MOBP: variants seen among roughly 807,000 people sequenced by gnomAD.
The protein encoded by MOBP is myelin-associated oligodendrocyte basic protein.
MOBP carries 5 observed loss-of-function variants against 15.0 expected under a neutral mutation model. The observed-to-expected ratio is 0.33, with a 90% CI of 0.17 to 0.70. The LOEUF is 0.70. MOBP is among the 30% of genes least tolerant of loss of function. The probability of loss-of-function intolerance (pLI) is 0.67; values close to 1 mark genes in which losing one functional copy is unlikely to be tolerated. For synonymous variants in MOBP, 88 were observed against 99.0 expected (o/e 0.89, Z 0.66); for missense variants, 188 against 257.8 (o/e 0.73, Z 1.85).
chr3:39,469,232 A>ATATATACATATATACATG lies in MOBP; in HGVS notation c.-89+1493_-89+1494insATATACATATATACATGT, dbSNP rs1559412385. 3.0e-4 allele frequency among the ~76,000 whole-genome samples: 27 copies of ATATATACATATATACATG among 89,486 alleles called. 2 individuals are homozygous for ATATATACATATATACATG. The East Asian group carries it at 6.2e-3, about 21-fold the overall frequency. 58.7% of individuals were successfully genotyped at this position (89,486 alleles called of 152,430 possible). A position where few individuals can be genotyped will look rare whatever the true frequency, so the allele number is the denominator to read the frequency against. The stretch of plus-strand genomic sequence containing the variant: ...TGTGTGTGTATATACATATATACAT[A>ATATATACATATATACATG]TGTGTGTGTATATATACATATATGT... On this transcript the variant is annotated intron_variant, in intron 1 of 3. Coordinates refer to ENST00000684792, the MANE Select transcript of MOBP (RefSeq NM_001393704.1).
chr3:39,507,893 C>T (rs914880198), downstream of MOBP, among the ~76,000 whole-genome samples: 2 of 152,210 alleles, frequency 1.3e-5, no homozygotes, highest in Non-Finnish European at 2.9e-5. Flanking sequence ...CCACTTTCCT[C>T]GCTTTCCAAA....
chr3:39,502,380 C>G lies in MOBP; in HGVS notation c.206+105C>G. The stretch of plus-strand genomic sequence containing the variant: ...ACCCCACTCTTCCCCCTAGTCGGCT[C>G]CGGGTTAGGCTCCGACACCGGAAGG... On this transcript the variant is annotated intron_variant, in intron 3 of 3. Transcript: ENST00000684792. The surrounding 1 kb of genome is among the most constrained non-coding windows in gnomAD (Gnocchi z 6.3). 1 of 1,553,728 alleles carries G rather than the reference C, an allele frequency of 6.4e-7. No individual in the cohort carries two copies. The highest frequency in any genetic ancestry group is 8.7e-7 in the Non-Finnish European group (1 of 1,152,436).
chr3:39,477,317 A>G (rs564664886), intron 1 of MOBP, among the ~76,000 whole-genome samples: 14 of 152,096 alleles, frequency 9.2e-5, no homozygotes, highest in African/African-American at 3.1e-4. Context: ...CTGCATAACA[A>G]TGTTTTGGTC....
At chr3:39,510,106 C>T (rs1208132989) in intron 4 of MOBP, among the ~76,000 whole-genome samples, 1 of 151,976 alleles carries the variant, frequency 6.6e-6, no homozygotes, top group Non-Finnish European at 1.5e-5. Flanking sequence ...ACTGAATTAC[C>T]TTTGCAATTT....
At chr3:39,509,452 C>G (rs533855763) in intron 4 of MOBP, among the ~76,000 whole-genome samples, 1 of 152,046 alleles carries the variant, frequency 6.6e-6, no homozygotes, top group Admixed American at 6.6e-5. Flanking sequence ...TTGCATTTTC[C>G]TAATGACTAG....
chr3:39,506,579 G>A (rs1415158525), downstream of MOBP, among the ~76,000 whole-genome samples: 1 of 152,174 alleles, frequency 6.6e-6, no homozygotes, highest in African/African-American at 2.4e-5. Flanking sequence ...CTTACCAGAG[G>A]GGTGGAGGAA....
Position 39,502,913 on chromosome 3 carries a change from A to T in MOBP, c.*33A>T, listed in dbSNP as rs1217260072. 5.1e-6 allele frequency: 5 copies of T among 988,676 alleles called. No homozygotes were observed. Among genetic ancestry groups the T allele is most frequent in the East Asian group, 2.6e-5 (1 of 38,094 alleles). The allele number at this position is 988,676 out of a possible 1,614,324, so 61.2% of individuals were successfully genotyped here. A position where few individuals can be genotyped will look rare whatever the true frequency, so the allele number is the denominator to read the frequency against. On this transcript the variant is annotated 3_prime_UTR_variant, in exon 4 of 4. Transcript: ENST00000684792. The surrounding 1 kb of genome is among the most constrained non-coding windows in gnomAD (Gnocchi z 6.3). ...TCTTCCCTTTTGTTCCCCAGCCCTA[A>T]GGTTAGTAGTTGCTTCCTGTGTTTA...
intron 1 of MOBP, among the ~76,000 whole-genome samples, chr3:39,469,151 CATATGTGTGTGTGTATACATATATACAT>C: frequency 1.5e-5 from 1 of 68,606 alleles, no homozygotes; most frequent in Non-Finnish European, 2.5e-5. Flanking sequence ...TACATATATA[CATATGTGTGTGTGTATACATATATACAT>C]GTGTGTGTGT....
Position 39,502,343 on chromosome 3 carries a change from C to G in MOBP, c.206+68C>G. On this transcript the variant is annotated intron_variant, in intron 3 of 3. Coordinates refer to ENST00000684792, the MANE Select transcript of MOBP (RefSeq NM_001393704.1). The surrounding 1 kb of genome is among the most constrained non-coding windows in gnomAD (Gnocchi z 6.3). ...CGTGGTCTCGGCTCCCAGCACGCCC[C>G]TCCCGCTCCGCACCCCACTCTTCCC... 6.2e-7 allele frequency: 1 copy of G among 1,600,184 alleles called. No homozygotes were observed. The highest frequency in any genetic ancestry group is 8.5e-7 in the Non-Finnish European group (1 of 1,173,616).
At chr3:39,495,870 A>C (rs2042873078) in intron 2 of MOBP, among the ~76,000 whole-genome samples, 1 of 152,028 alleles carries the variant, frequency 6.6e-6, no homozygotes, top group African/African-American at 2.4e-5. Flanking sequence ...CTTTTGAAAA[A>C]AAATGAAGTA....
intron 2 of MOBP, among the ~76,000 whole-genome samples, chr3:39,501,019 C>T (rs1383139128): frequency 1.3e-5 from 2 of 152,194 alleles, no homozygotes; most frequent in Non-Finnish European, 2.9e-5. Flanking sequence ...ACCTGCTTCT[C>T]AGCTGTCATT....
chr3:39,522,260 T>C (rs2043278258), intron 3 of MOBP, among the ~76,000 whole-genome samples: 1 of 152,260 alleles, frequency 6.6e-6, no homozygotes, highest in South Asian at 2.1e-4. Context: ...AAAGCTTGCA[T>C]GTAGATAGAG....
intron 2 of MOBP, among the ~76,000 whole-genome samples, chr3:39,490,416 A>G (rs949554416): frequency 6.6e-5 from 10 of 152,244 alleles, no homozygotes; most frequent in Non-Finnish European, 1.3e-4. Context: ...ACAAAAACTC[A>G]TTGAAGATTG....
In MOBP at chr3:39,502,269, A is replaced by G; in HGVS notation, c.200A>G (p.Lys67Arg). ...EEDWICCACQKTRTSRRAKSP... is the reference protein window; with the variant it reads ...EEDWICCACQRTRTSRRAKSP... ...GACTGGATCTGCTGCGCCTGCCAGA[A>G]GACCAGGTAAGCGGCCGCCCAGCCC... Residue 67 changes from lysine to arginine, a missense_variant, in exon 3 of 4, where the codon AAG becomes AGG. By Grantham distance (26) the Lys-to-Arg change is conservative (BLOSUM62 2). Around this residue, in one of 2 missense-constraint regions of MOBP, gnomAD observed 133 missense variants for 212.5 expected, o/e 0.63. Transcript: ENST00000684792. This position sits in a 1 kb window ranked among gnomAD's most constrained non-coding sequence, Gnocchi z 6.3. 1.2e-6 allele frequency: 2 copies of G among 1,614,124 alleles called. No homozygotes were observed. The highest frequency in any genetic ancestry group is 8.5e-7 in the Non-Finnish European group (1 of 1,180,038).
downstream of MOBP, among the ~76,000 whole-genome samples, chr3:39,520,978 GCTCTGTTA>G (rs2043259575): frequency 6.7e-6 from 1 of 148,594 alleles, no homozygotes; most frequent in Non-Finnish European, 1.5e-5. Flanking sequence ...ACAGAGTCTT[GCTCTGTTA>G]CTCAGGCTGG....
At chr3:39,477,326 T>G (rs1276662934) in intron 1 of MOBP, among the ~76,000 whole-genome samples, 2 of 151,938 alleles carry the variant, frequency 1.3e-5, no homozygotes, top group Non-Finnish European at 2.9e-5. Flanking sequence ...AATGTTTTGG[T>G]CAATGACAGT....
At chr3:39,495,764 A>G (rs2042870142) in intron 2 of MOBP, among the ~76,000 whole-genome samples, 1 of 150,784 alleles carries the variant, frequency 6.6e-6, no homozygotes, top group Admixed American at 6.6e-5. Context: ...AAAAAAAAAA[A>G]AAAGAAAAGA....
chr3:39,473,112 T>A (rs887256575), intron 1 of MOBP, among the ~76,000 whole-genome samples: 14 of 152,162 alleles, frequency 9.2e-5, no homozygotes, highest in Admixed American at 7.9e-4. Context: ...TTATAATAAC[T>A]GTGCAGGCCA....
chr3:39,496,511 T>A (rs1252844337), intron 2 of MOBP, among the ~76,000 whole-genome samples: 1 of 147,946 alleles, frequency 6.8e-6, no homozygotes, highest in African/African-American at 2.5e-5. Flanking sequence ...CTTTTCTTTT[T>A]TTTTTGAGAC....
Sources: gnomAD v4.1 joint callset for allele counts (sites outside exome capture counted in the v4.1 genomes callset) on GRCh38, gnomAD v4.1.1 for gene constraint, gnomAD v4.1.1 regional missense constraint, Gnocchi (gnomAD v3.1) non-coding constraint, MANE v1.5 for transcripts, NCBI Gene and HGNC (gene_info 2026-07-23, HGNC 2026-07-21) for gene names.